Variants in ARB2A observed in about 807,000 individuals in gnomAD.
ARB2A encodes cotranscriptional regulator ARB2A.
At chr5:93,970,246 A>G in the ARB2A span, among the ~76,000 whole-genome samples, 20 of 152,218 alleles carry the variant, frequency 1.3e-4, no homozygotes, top group Non-Finnish European at 2.4e-4. Flanking sequence ...AGTCATACCC[A>G]TCCCTATAGA....
the ARB2A span, among the ~76,000 whole-genome samples, chr5:93,680,218 T>C: frequency 6.6e-6 from 1 of 152,230 alleles, no homozygotes; most frequent in Admixed American, 6.5e-5. Context: ...TGTTTAAGTA[T>C]AAATATAAAG....
At chr5:93,632,202 G>A in the ARB2A span, among the ~76,000 whole-genome samples, 1 of 152,168 alleles carries the variant, frequency 6.6e-6, no homozygotes, top group Non-Finnish European at 1.5e-5. Flanking sequence ...AAACCCAATA[G>A]GGGATGTGAA....
the ARB2A span, among the ~76,000 whole-genome samples, chr5:93,883,751 T>G: frequency 6.6e-6 from 1 of 151,522 alleles, no homozygotes; most frequent in Non-Finnish European, 1.5e-5. Flanking sequence ...AGGCATTCAG[T>G]ACACTGTCTC....
chr5:93,827,678 A>G, the ARB2A span, among the ~76,000 whole-genome samples: 1 of 151,704 alleles, frequency 6.6e-6, no homozygotes, highest in African/African-American at 2.4e-5. Flanking sequence ...GCCCATGCCT[A>G]TGTCCTGAAT....
At chr5:93,685,681 C>T in the ARB2A span, among the ~76,000 whole-genome samples, 1 of 152,188 alleles carries the variant, frequency 6.6e-6, no homozygotes, top group African/African-American at 2.4e-5. Context: ...CTTCTCATGT[C>T]TTGGTGACTG....
At chr5:93,903,742 T>TGTATAGTCCTAGCCACATAGC in the ARB2A span, among the ~76,000 whole-genome samples, 1 of 151,562 alleles carries the variant, frequency 6.6e-6, no homozygotes, top group African/African-American at 2.4e-5. Flanking sequence ...TGTGTGTGTG[T>TGTATAGTCCTAGCCACATAGC]GTATAGTCCT....
chr5:93,938,865 A>AAC, the ARB2A span, among the ~76,000 whole-genome samples: 1 of 152,228 alleles, frequency 6.6e-6, no homozygotes, highest in Non-Finnish European at 1.5e-5. Flanking sequence ...GATCACAAAC[A>AAC]ACACACACAG....
the ARB2A span, among the ~76,000 whole-genome samples, chr5:94,021,309 T>A: frequency 6.6e-6 from 1 of 152,176 alleles, no homozygotes; most frequent in Non-Finnish European, 1.5e-5. Context: ...TCTGGAGGCA[T>A]CTGGAGAATT....
the ARB2A span, among the ~76,000 whole-genome samples, chr5:93,662,513 C>T: frequency 6.6e-6 from 1 of 152,156 alleles, no homozygotes; most frequent in Non-Finnish European, 1.5e-5. Flanking sequence ...GATACTTACA[C>T]TTAAATGTTA....
the ARB2A span, among the ~76,000 whole-genome samples, chr5:93,849,422 T>G: frequency 1.3e-5 from 2 of 152,140 alleles, no homozygotes; most frequent in African/African-American, 4.8e-5. Flanking sequence ...TAGTATGCTA[T>G]GAGGAAATAT....
At chr5:93,691,545 C>T in the ARB2A span, among the ~76,000 whole-genome samples, 8 of 151,908 alleles carry the variant, frequency 5.3e-5, no homozygotes, top group East Asian at 1.9e-4. Context: ...ACCAAACCTG[C>T]GTTTGACTGG....
the ARB2A span, among the ~76,000 whole-genome samples, chr5:94,065,402 T>C: frequency 6.6e-6 from 1 of 152,134 alleles, no homozygotes; most frequent in East Asian, 1.9e-4. Flanking sequence ...TAGTCCCAGA[T>C]ACTCAAGAGG....
At chr5:93,795,325 A>T in the ARB2A span, among the ~76,000 whole-genome samples, 2 of 152,170 alleles carry the variant, frequency 1.3e-5, no homozygotes, top group Non-Finnish European at 2.9e-5. Context: ...AACAGCACCG[A>T]GTCTATTTCT....
chr5:93,882,005 A>C, the ARB2A span, among the ~76,000 whole-genome samples: 1 of 151,378 alleles, frequency 6.6e-6, no homozygotes, highest in Non-Finnish European at 1.5e-5. Context: ...TAAATTAGCA[A>C]ATAATTTATT....
chr5:93,982,876 G>A, the ARB2A span, among the ~76,000 whole-genome samples: 5 of 152,140 alleles, frequency 3.3e-5, no homozygotes, highest in Non-Finnish European at 5.9e-5. Flanking sequence ...CCAACATGGC[G>A]AAACCCCACC....
the ARB2A span, chr5:93,740,559 A>T: frequency 6.4e-7 from 1 of 1,573,318 alleles, no homozygotes; most frequent in Admixed American, 1.8e-5. Context: ...CGTGCCGTGA[A>T]GGGCAAGCCC....
chr5:93,861,325 T>TTTTTC, the ARB2A span: 5 of 121,110 alleles, frequency 4.1e-5, no homozygotes, highest in East Asian at 7.3e-4. Context: ...TTTTTTTTTT[T>TTTTTC]TTTAGCTCTG....
At chr5:93,887,759 T>C in the ARB2A span, among the ~76,000 whole-genome samples, 1 of 151,906 alleles carries the variant, frequency 6.6e-6, no homozygotes, top group African/African-American at 2.4e-5. Flanking sequence ...TCTATTATTA[T>C]GTTGGCCTGA....
the ARB2A span, among the ~76,000 whole-genome samples, chr5:93,717,597 A>AT: frequency 6.6e-6 from 1 of 152,140 alleles, no homozygotes; most frequent in Admixed American, 6.5e-5. Flanking sequence ...CTTCATTCTA[A>AT]TAACCAGAGG....
Sources: gnomAD v4.1 joint callset for allele counts (sites outside exome capture counted in the v4.1 genomes callset) on GRCh38, gnomAD v4.1.1 for gene constraint, MANE v1.5 for transcripts, NCBI Gene and HGNC (gene_info 2026-07-23, HGNC 2026-07-21) for gene names.